DLG2: variants seen among roughly 807,000 people sequenced by gnomAD.
DLG2 encodes discs large MAGUK scaffold protein 2.
A neutral mutation model predicts 132.5 loss-of-function variants in DLG2; 45 were observed. The observed-to-expected ratio is 0.34, with a 90% CI of 0.27 to 0.44. DLG2 has a LOEUF of 0.44. Among genes scored for constraint, DLG2 ranks in the 20% least tolerant of loss-of-function variants. The pLI, the probability that DLG2 is intolerant of heterozygous loss-of-function variation, is 1.00. For missense variants in DLG2, 1,045 were observed against 1,196.9 expected, an observed-to-expected ratio of 0.87 and a Z score of 1.87; for synonymous variants, 424 against 419.6, an observed-to-expected ratio of 1.01 and a Z score of -0.13.
intron 6 of DLG2, among the ~76,000 whole-genome samples, chr11:85,077,779 C>T (rs1023022253): frequency 6.6e-6 from 1 of 151,918 alleles, no homozygotes; most frequent in African/African-American, 2.4e-5. Context: ...TTTTTTCCTG[C>T]GTTACATATG....
chr11:84,080,799 C>G (rs1051750292), intron 10 of DLG2, among the ~76,000 whole-genome samples: 2 of 151,964 alleles, frequency 1.3e-5, no homozygotes, highest in Non-Finnish European at 1.5e-5. Flanking sequence ...CCAGACCAGC[C>G]TGGCCAACAA....
At chr11:85,264,770 G>T (rs950281339) in intron 4 of DLG2, among the ~76,000 whole-genome samples, 1 of 152,154 alleles carries the variant, frequency 6.6e-6, no homozygotes, top group East Asian at 1.9e-4. Flanking sequence ...GCCCCCAGGG[G>T]TTTTTCGCAA....
intron 19 of DLG2, among the ~76,000 whole-genome samples, chr11:83,596,419 A>C (rs1405436556): frequency 6.6e-6 from 1 of 152,150 alleles, no homozygotes; most frequent in Non-Finnish European, 1.5e-5. Context: ...ATAATTTAGA[A>C]TGTTGCCTTG....
intron 17 of DLG2, among the ~76,000 whole-genome samples, chr11:83,789,362 G>T (rs985544855): frequency 9.0e-6 from 1 of 111,472 alleles, no homozygotes; most frequent in South Asian, 3.2e-4. Flanking sequence ...GTGGATAGCA[G>T]CAAAGGACAG....
At chr11:84,013,887 A>C (rs1005424679) in intron 11 of DLG2, among the ~76,000 whole-genome samples, 1 of 151,078 alleles carries the variant, frequency 6.6e-6, no homozygotes, top group Non-Finnish European at 1.5e-5. Flanking sequence ...AAAAAAAAAA[A>C]AAAGCTCCCC....
chr11:83,514,315 AT>A (rs1205936671), intron 21 of DLG2, among the ~76,000 whole-genome samples: 7 of 152,056 alleles, frequency 4.6e-5, no homozygotes, highest in Non-Finnish European at 1.5e-5. Context: ...TTCACTCATG[AT>A]TTGGCTCTCT....
At chr11:84,199,264 T>C (rs1225143982) in intron 8 of DLG2, among the ~76,000 whole-genome samples, 1 of 152,136 alleles carries the variant, frequency 6.6e-6, no homozygotes, top group Non-Finnish European at 1.5e-5. Flanking sequence ...ATAAACAAAA[T>C]TGAACATAAT....
chr11:84,218,315 G>A (rs1164043573), intron 8 of DLG2, among the ~76,000 whole-genome samples: 1 of 134,022 alleles, frequency 7.5e-6, no homozygotes, highest in Non-Finnish European at 1.6e-5. Context: ...AAGAGAGAGA[G>A]AGAAAGAAAG....
intron 6 of DLG2, among the ~76,000 whole-genome samples, chr11:84,736,516 T>C (rs1019888195): frequency 6.6e-6 from 1 of 151,972 alleles, no homozygotes; most frequent in Non-Finnish European, 1.5e-5. Flanking sequence ...TCCAACCTAT[T>C]AGCAAAGTAT....
chr11:83,590,768 AC>A (rs1490717418), intron 19 of DLG2, among the ~76,000 whole-genome samples: 2 of 152,186 alleles, frequency 1.3e-5, no homozygotes, highest in African/African-American at 4.8e-5. Context: ...AAAAAAAGAG[AC>A]AAGAATCAAA....
At chr11:83,996,789 A>C (rs1483391340) in intron 11 of DLG2, among the ~76,000 whole-genome samples, 2 of 152,186 alleles carry the variant, frequency 1.3e-5, no homozygotes, top group Admixed American at 6.5e-5. Flanking sequence ...TCATGGACAT[A>C]CAATAGAAAG....
At chr11:85,169,804 C>T (rs781365981) in intron 4 of DLG2, among the ~76,000 whole-genome samples, 7 of 152,118 alleles carry the variant, frequency 4.6e-5, no homozygotes, top group African/African-American at 1.2e-4. Context: ...TCAGAGAGTT[C>T]GACCCTGTGC....
intron 3 of DLG2, among the ~76,000 whole-genome samples, chr11:85,573,866 C>T (rs1216812423): frequency 1.3e-5 from 2 of 152,038 alleles, no homozygotes; most frequent in East Asian, 3.8e-4. Flanking sequence ...TCATGTAGAA[C>T]CTTAAAATGC....
At chr11:84,189,588 T>C (rs973278116) in intron 8 of DLG2, among the ~76,000 whole-genome samples, 77 of 152,110 alleles carry the variant, frequency 5.1e-4, no homozygotes, top group African/African-American at 1.7e-3. Flanking sequence ...CCACCAGTGA[T>C]AGACTGGATA....
chr11:84,001,660 G>A (rs559118994), intron 11 of DLG2, among the ~76,000 whole-genome samples: 15 of 152,220 alleles, frequency 9.9e-5, no homozygotes, highest in African/African-American at 3.6e-4. Flanking sequence ...ATCAGCGCAT[G>A]AAACATTATC....
intron 7 of DLG2, among the ~76,000 whole-genome samples, chr11:84,299,074 C>T (rs562810483): frequency 5.9e-5 from 9 of 152,194 alleles, no homozygotes; most frequent in Non-Finnish European, 1.3e-4. Flanking sequence ...ACATATTTTA[C>T]CAGTCTCTTG....
At chr11:83,527,093 C>A (rs1445781562) in intron 21 of DLG2, among the ~76,000 whole-genome samples, 7 of 152,066 alleles carry the variant, frequency 4.6e-5, no homozygotes, top group Non-Finnish European at 8.8e-5. Context: ...TTTAGCAGGC[C>A]ACAGTGAGAA....
At chr11:83,636,810 T>C (rs2064985364) in intron 18 of DLG2, among the ~76,000 whole-genome samples, 1 of 152,204 alleles carries the variant, frequency 6.6e-6, no homozygotes, top group Non-Finnish European at 1.5e-5. Context: ...TGACATTCTA[T>C]GGTGTTAAAA....
At chr11:83,584,162 T>C (rs1458315235) in intron 19 of DLG2, among the ~76,000 whole-genome samples, 1 of 152,142 alleles carries the variant, frequency 6.6e-6, no homozygotes, top group Non-Finnish European at 1.5e-5. Context: ...TTGTACTGAG[T>C]CACTTGTCTG....
Sources: allele counts gnomAD v4.1 joint callset (sites outside exome capture counted in the v4.1 genomes callset), GRCh38; gene constraint gnomAD v4.1.1; transcripts MANE v1.5; gene names NCBI Gene and HGNC (gene_info 2026-07-23, HGNC 2026-07-21).